The following CSMD1 variants were observed in gnomAD, a reference collection of about 807,000 sequenced individuals.
CSMD1 encodes the protein CUB and Sushi multiple domains 1, also known as CUB and sushi domain-containing protein 1.
A neutral mutation model predicts 417.5 loss-of-function variants in CSMD1; 213 were observed. The observed-to-expected ratio is 0.51, with a 90% CI of 0.46 to 0.57. The LOEUF is 0.57. Ranked by LOEUF, CSMD1 falls within the 20% of genes least tolerant of loss-of-function variation. The pLI, the probability that CSMD1 is intolerant of heterozygous loss-of-function variation, is 0.00. For missense variants in CSMD1, 6,923 were observed against 4,529.7 expected (o/e 1.53, Z -15.17); for synonymous variants, 2,862 against 1,736.8 (o/e 1.65, Z -16.11).
intron 1 of CSMD1, among the ~76,000 whole-genome samples, chr8:4,889,732 C>G (rs1803983689): frequency 6.6e-6 from 1 of 152,034 alleles, no homozygotes; most frequent in Non-Finnish European, 1.5e-5. Context: ...TTAATAGGTC[C>G]TTGGCTATTT....
intron 26 of CSMD1, among the ~76,000 whole-genome samples, chr8:3,236,177 G>A (rs974727661): frequency 6.6e-5 from 10 of 151,882 alleles, no homozygotes; most frequent in African/African-American, 2.4e-4. Flanking sequence ...CTCGGACTCC[G>A]AAAGTGCTGG....
chr8:3,326,886 T>G (rs969095588), intron 23 of CSMD1, among the ~76,000 whole-genome samples: 3 of 152,210 alleles, frequency 2.0e-5, no homozygotes, highest in African/African-American at 7.2e-5. Flanking sequence ...GGCTATGTCT[T>G]GATACATTGA....
chr8:4,073,234 G>T lies in CSMD1; in HGVS notation c.416-41135C>A, dbSNP rs2552129. 8.5e-3 allele frequency among the ~76,000 whole-genome samples: 1,300 copies of T among 152,082 alleles called. 17 individuals carry two copies. Among genetic ancestry groups the T allele is most frequent in the African/African-American group, 0.029 (1,200 of 41,484 alleles). The stretch of plus-strand genomic sequence containing the variant: ...TTGTTTTTAAAAATAAAAAGCAATA[G>T]GTGCATTAAATGATGAGAAGGTAAA... On this transcript the variant is annotated intron_variant, in intron 3 of 69. Coordinates refer to ENST00000635120, the MANE Select transcript of CSMD1 (RefSeq NM_033225.6).
At chr8:4,244,369 C>G (rs138532756) in intron 3 of CSMD1, among the ~76,000 whole-genome samples, 5 of 152,038 alleles carry the variant, frequency 3.3e-5, no homozygotes, top group Admixed American at 6.6e-5. Flanking sequence ...GTAGAAAGAC[C>G]TAGAAACGGA....
rs1375888521 is a variant in CSMD1, at chr8:4,448,099, T to C, written c.303-28034A>G. 2.6e-5 allele frequency among the ~76,000 whole-genome samples: 4 copies of C among 152,336 alleles called. 1 individual carries two copies. Among genetic ancestry groups the C allele is most frequent in the Admixed American group, 2.0e-4 (3 of 15,304 alleles). ...CCAGTGGAAATTCTGTTCCCTTCTC[T>C]ATGTTCTTGATCTCTTCCTAGTTCT... On this transcript the variant is annotated intron_variant, in intron 2 of 69. Transcript: ENST00000635120.
At chr8:4,349,870 C>T (rs1174683296) in intron 3 of CSMD1, among the ~76,000 whole-genome samples, 1 of 148,164 alleles carries the variant, frequency 6.7e-6, no homozygotes, top group Non-Finnish European at 1.5e-5. Flanking sequence ...TGTAATGTTA[C>T]CTTTAAGAAA....
At chr8:4,595,813 T>C (rs1011722690) in intron 2 of CSMD1, among the ~76,000 whole-genome samples, 15 of 152,224 alleles carry the variant, frequency 9.9e-5, no homozygotes, top group Admixed American at 1.3e-4. Flanking sequence ...TTTCTCTCTT[T>C]CAGAGCTCCT....
intron 3 of CSMD1, among the ~76,000 whole-genome samples, chr8:4,268,970 T>C (rs1804398457): frequency 6.6e-6 from 1 of 152,216 alleles, no homozygotes; most frequent in Non-Finnish European, 1.5e-5. Flanking sequence ...CTTTTATTTT[T>C]TCAATATATG....
chr8:4,819,726 T>C (rs1010034580), intron 1 of CSMD1, among the ~76,000 whole-genome samples: 4 of 152,082 alleles, frequency 2.6e-5, no homozygotes, highest in South Asian at 4.1e-4. Flanking sequence ...GATAAAACCA[T>C]TGAACGGAAA....
At chr8:4,377,553 G>A (rs773934593) in intron 3 of CSMD1, among the ~76,000 whole-genome samples, 1 of 152,166 alleles carries the variant, frequency 6.6e-6, no homozygotes, top group South Asian at 2.1e-4. Context: ...AGTTGAGTCA[G>A]TAAAGGTGCT....
intron 3 of CSMD1, among the ~76,000 whole-genome samples, chr8:4,343,147 A>G (rs540034500): frequency 6.6e-6 from 1 of 152,288 alleles, no homozygotes; most frequent in East Asian, 1.9e-4. Context: ...ATGCCACATG[A>G]AATGGGCAAT....
At chr8:4,461,982 C>G (rs1482613137) in intron 2 of CSMD1, among the ~76,000 whole-genome samples, 1 of 151,998 alleles carries the variant, frequency 6.6e-6, no homozygotes, top group Non-Finnish European at 1.5e-5. Context: ...ACCTCCTGAT[C>G]CGCCCACCTC....
At chr8:4,568,750 G>A (rs12545728) in intron 2 of CSMD1, among the ~76,000 whole-genome samples, 62,402 of 151,890 alleles carry the variant, frequency 0.41, 13,617 homozygotes, top group East Asian at 0.53. Flanking sequence ...GTGTAAAAGC[G>A]CTCCTAATTC....
At chr8:4,987,046 G>T (rs979372598) in intron 1 of CSMD1, among the ~76,000 whole-genome samples, 2 of 152,060 alleles carry the variant, frequency 1.3e-5, no homozygotes, top group African/African-American at 4.8e-5. Context: ...TATATCCATT[G>T]CATTTTTACT....
intron 1 of CSMD1, among the ~76,000 whole-genome samples, chr8:4,675,320 G>T (rs765375866): frequency 6.6e-6 from 1 of 152,096 alleles, no homozygotes; most frequent in Admixed American, 6.5e-5. Context: ...AACATCAAAA[G>T]TTATTTGTAA....
chr8:3,273,486 G>T (rs1437225435), intron 26 of CSMD1, among the ~76,000 whole-genome samples: 4 of 78,102 alleles, frequency 5.1e-5, no homozygotes, highest in Admixed American at 4.0e-4. Context: ...TCTATTGATT[G>T]GAATAGTTTC....
intron 8 of CSMD1, chr8:3,613,335 A>G: frequency 2.4e-6 from 1 of 410,968 alleles, no homozygotes; most frequent in East Asian, 8.1e-5. Flanking sequence ...CCAAACATTT[A>G]GCAATGAAAT....
chr8:3,938,237 A>G (rs1315544868), intron 5 of CSMD1, among the ~76,000 whole-genome samples: 1 of 152,100 alleles, frequency 6.6e-6, no homozygotes, highest in African/African-American at 2.4e-5. Flanking sequence ...CATGTGTAAA[A>G]TGCTTTACTG....
At chr8:3,961,711 A>T (rs1393111363) in intron 5 of CSMD1, among the ~76,000 whole-genome samples, 1 of 152,210 alleles carries the variant, frequency 6.6e-6, no homozygotes, top group Non-Finnish European at 1.5e-5. Context: ...TTGCTGCGAT[A>T]CTCATGGGAG....
Sources: gnomAD v4.1 joint callset for allele counts (sites outside exome capture counted in the v4.1 genomes callset) on GRCh38, gnomAD v4.1.1 for gene constraint, MANE v1.5 for transcripts, NCBI Gene and HGNC (gene_info 2026-07-23, HGNC 2026-07-21) for gene names.